The following FRYL variants were observed in gnomAD, a reference collection of about 807,000 sequenced individuals.
FRYL encodes FRY like transcription coactivator, also known as protein furry homolog-like.
In FRYL, 150 loss-of-function variants were observed where a neutral mutation model predicts 351.2. The ratio of observed to expected loss-of-function variants is 0.43; its 90% CI spans 0.37 to 0.49. The LOEUF (loss-of-function observed/expected upper bound fraction) is 0.49, where lower values mean the gene tolerates loss of function less well. Among genes scored for constraint, FRYL ranks in the 20% least tolerant of loss-of-function variants. The pLI, the probability that FRYL is intolerant of heterozygous loss-of-function variation, is 0.00. For missense variants in FRYL, 3,036 were observed against 3,619.3 expected (o/e 0.84, Z 4.13); for synonymous variants, 1,153 against 1,257.1 (o/e 0.92, Z 1.75).
intron 47 of FRYL, 148 bp from the exon 48 acceptor site, chr4:48,535,975 G>A (rs540539234): frequency 8.0e-5 from 47 of 584,202 alleles, no homozygotes; most frequent in African/African-American, 1.9e-4. Flanking sequence ...AAAGTGAAAC[G>A]AGAAAAAAAG....
At position 48,521,040 on chromosome 4, in the gene FRYL, C is replaced by T; in HGVS notation, c.7689+8G>A. On this transcript the variant is annotated splice_region_variant and intron_variant, in intron 55 of 63. Coordinates refer to ENST00000358350, the MANE Select transcript of FRYL (RefSeq NM_015030.2). ...ATTGGCCATGCACCAGCCTCCATTTCTCCCCACCTCAGGCAGCCGGCTGTT... is the reference window on the plus strand; with the variant it reads ...ATTGGCCATGCACCAGCCTCCATTTTTCCCCACCTCAGGCAGCCGGCTGTT... 1 of 1,605,004 alleles carries T rather than the reference C, an allele frequency of 6.2e-7. No individual in the cohort carries two copies. Among genetic ancestry groups the T allele is most frequent in the African/African-American group, 1.3e-5 (1 of 74,826 alleles).
intron 1 of FRYL, among the ~76,000 whole-genome samples, chr4:48,779,112 T>A (rs1047009187): frequency 2.6e-5 from 4 of 152,018 alleles, no homozygotes; most frequent in African/African-American, 9.7e-5. Context: ...TAAACTAGGA[T>A]GGCAGGAAAG....
chr4:48,565,727 A>G (rs776943794), intron 28 of FRYL, 36 bp from the exon 29 acceptor site: 13 of 1,582,456 alleles, frequency 8.2e-6, no homozygotes, highest in Middle Eastern at 3.3e-4. Flanking sequence ...ATTTATTTCC[A>G]TTTCTTTTTG....
chr4:48,641,795 G>A (rs922826479), intron 3 of FRYL, among the ~76,000 whole-genome samples: 1 of 152,202 alleles, frequency 6.6e-6, no homozygotes, highest in Admixed American at 6.5e-5. Context: ...CATACTGTTT[G>A]CTTAAAATAA....
chr4:48,660,475 C>T (rs1346493639), intron 3 of FRYL, among the ~76,000 whole-genome samples: 1 of 152,160 alleles, frequency 6.6e-6, no homozygotes, highest in African/African-American at 2.4e-5. Context: ...CAAACACCTG[C>T]TTTCCTCCTG....
At chr4:48,756,239 A>G (rs1773763663) in intron 1 of FRYL, among the ~76,000 whole-genome samples, 1 of 152,032 alleles carries the variant, frequency 6.6e-6, no homozygotes, top group Admixed American at 6.5e-5. Flanking sequence ...TCTCAAAAAA[A>G]AAAAAAAAAG....
intron 2 of FRYL, among the ~76,000 whole-genome samples, chr4:48,686,435 G>A (rs945262572): frequency 1.3e-5 from 2 of 151,726 alleles, no homozygotes; most frequent in East Asian, 1.9e-4. Flanking sequence ...TTATCAATAC[G>A]ATAGTTAACA....
chr4:48,590,832 T>A lies in FRYL; in HGVS notation c.1336-2A>T. 1 of 1,591,588 alleles carries A rather than the reference T, an allele frequency of 6.3e-7. No homozygotes were observed. Among genetic ancestry groups the A allele is most frequent in the Admixed American group, 1.9e-5 (1 of 53,944 alleles). ...GACTCTGAGACCTATGTTCATTCTC[T>A]TCAAAGGAAAAAAATGCAAAAGGAA... On this transcript the variant is annotated splice_acceptor_variant, in intron 16 of 63. Coordinates refer to ENST00000358350, the MANE Select transcript of FRYL (RefSeq NM_015030.2). LOFTEE classifies it high-confidence loss of function.
At chr4:48,727,049 A>T (rs1770162128) in intron 1 of FRYL, among the ~76,000 whole-genome samples, 2 of 152,206 alleles carry the variant, frequency 1.3e-5, no homozygotes, top group African/African-American at 4.8e-5. Flanking sequence ...TGAGAAATGG[A>T]TTATAACTAC....
At chr4:48,646,187 TTGAC>T (rs1157091864) in intron 3 of FRYL, among the ~76,000 whole-genome samples, 1 of 152,194 alleles carries the variant, frequency 6.6e-6, no homozygotes, top group African/African-American at 2.4e-5. Flanking sequence ...TATGAATGCC[TTGAC>T]TAACTACTTT....
intron 2 of FRYL, among the ~76,000 whole-genome samples, chr4:48,688,819 T>C (rs1170071422): frequency 6.6e-6 from 1 of 151,948 alleles, no homozygotes; most frequent in Admixed American, 6.6e-5. Context: ...TGTGCCACCA[T>C]GCCTGGCTAA....
At chr4:48,770,840 T>G (rs1775439898) in intron 1 of FRYL, among the ~76,000 whole-genome samples, 1 of 152,194 alleles carries the variant, frequency 6.6e-6, no homozygotes, top group Admixed American at 6.5e-5. Flanking sequence ...GAAATAAAAT[T>G]TTTGCAGACT....
chr4:48,620,164 A>G (rs1750363421), intron 6 of FRYL, among the ~76,000 whole-genome samples: 1 of 152,198 alleles, frequency 6.6e-6, no homozygotes, highest in South Asian at 2.1e-4. Context: ...GCATGACAAG[A>G]TCATCCTGGG....
At chr4:48,606,636 T>C (rs1326828682) in intron 9 of FRYL, 30 bp from the exon 10 acceptor site, 23 of 1,542,292 alleles carry the variant, frequency 1.5e-5, no homozygotes, top group Non-Finnish European at 2.0e-5. Flanking sequence ...ATCATTTGAT[T>C]TGAATTAAAA....
At chr4:48,599,334 T>C (rs943690698) in intron 13 of FRYL, among the ~76,000 whole-genome samples, 14 of 151,996 alleles carry the variant, frequency 9.2e-5, no homozygotes, top group African/African-American at 2.7e-4. Context: ...TACCAAATTC[T>C]GTTTGGGACA....
intron 7 of FRYL, among the ~76,000 whole-genome samples, chr4:48,612,842 G>C (rs1211900625): frequency 1.3e-5 from 2 of 151,882 alleles, no homozygotes; most frequent in Non-Finnish European, 2.9e-5. Flanking sequence ...ACTTGCCTTG[G>C]CCTCCCAAAG....
chr4:48,498,952 A>T lies in FRYL; in HGVS notation c.*470T>A, dbSNP rs1718970720. The T allele has an allele frequency of 1.1e-5, 2 of 179,658 alleles. No individual in the cohort carries two copies. Among genetic ancestry groups the T allele is most frequent in the Admixed American group, 5.5e-5 (1 of 18,330 alleles). The allele number at this position is 179,658 out of a possible 1,614,324, so 11.1% of individuals were successfully genotyped here. On this transcript the variant is annotated 3_prime_UTR_variant, in exon 64 of 64. Coordinates refer to ENST00000358350, the MANE Select transcript of FRYL (RefSeq NM_015030.2). ...TATAGCTGACTGCATGTTCATGTGG[A>T]TGGATGATTAAGCATCAATTGCAGG...
chr4:48,667,132 A>C (rs1761851407), intron 3 of FRYL, among the ~76,000 whole-genome samples: 1 of 152,186 alleles, frequency 6.6e-6, no homozygotes, highest in Admixed American at 6.5e-5. Flanking sequence ...CAGATTAATA[A>C]ATTTTATTAT....
intron 53 of FRYL, among the ~76,000 whole-genome samples, chr4:48,526,779 C>T (rs1726328503): frequency 6.6e-6 from 1 of 152,132 alleles, no homozygotes; most frequent in African/African-American, 2.4e-5. Context: ...ATTTAGAAAG[C>T]ATCTCAACTG....
Sources: allele counts gnomAD v4.1 joint callset (sites outside exome capture counted in the v4.1 genomes callset), GRCh38; gene constraint gnomAD v4.1.1; transcripts MANE v1.5; gene names NCBI Gene and HGNC (gene_info 2026-07-23, HGNC 2026-07-21).